Variants in NRCAM observed in about 807,000 individuals in gnomAD.
NRCAM encodes NgCAM-related cell adhesion molecule.
Under a neutral mutation model 156.5 loss-of-function variants are expected in NRCAM, and 83 were observed. The observed-to-expected ratio is 0.53, with a 90% CI of 0.44 to 0.64. NRCAM has a LOEUF of 0.64. Ranked by LOEUF, NRCAM falls within the 30% of genes least tolerant of loss-of-function variation. The pLI is 0.00. For missense variants in NRCAM, 1,417 were observed against 1,597.3 expected, an observed-to-expected ratio of 0.89 and a Z score of 1.92; for synonymous variants, 538 against 563.9, an observed-to-expected ratio of 0.95 and a Z score of 0.65.
intron 3 of NRCAM, among the ~76,000 whole-genome samples, chr7:108,312,220 A>G (rs2098812127): frequency 6.6e-6 from 1 of 152,180 alleles, no homozygotes; most frequent in African/African-American, 2.4e-5. Context: ...TTTGGACTCC[A>G]TTGTGAGACA....
At chr7:108,220,027 A>T (rs1249939089) in intron 11 of NRCAM, among the ~76,000 whole-genome samples, 1 of 152,122 alleles carries the variant, frequency 6.6e-6, no homozygotes, top group Non-Finnish European at 1.5e-5. Flanking sequence ...ATTAATGTAC[A>T]CAAATCAGTA....
chr7:108,175,197 A>T lies in NRCAM; in HGVS notation c.3187+125T>A, dbSNP rs759144456. Reference sequence around the variant, plus strand: ...AAATTAATTTTAAAGCCAAGATTGGATGAGATCTTCTCTTCTTTTGGTGGT... The same window carrying T: ...AAATTAATTTTAAAGCCAAGATTGGTTGAGATCTTCTCTTCTTTTGGTGGT... On this transcript the variant is annotated intron_variant, in intron 28 of 32. Coordinates refer to ENST00000379028, the MANE Select transcript of NRCAM (RefSeq NM_001037132.4). 8 of 664,488 alleles carry T rather than the reference A, an allele frequency of 1.2e-5. No individual in the cohort carries two copies. The South Asian group carries it at 2.1e-4, about 18-fold the overall frequency. The allele number at this position is 664,488 out of a possible 1,614,324, so 41.2% of individuals were successfully genotyped here.
At chr7:108,372,287 G>T (rs1416557308) in intron 2 of NRCAM, among the ~76,000 whole-genome samples, 1 of 152,016 alleles carries the variant, frequency 6.6e-6, no homozygotes. Context: ...AAAGCTGCAT[G>T]ACATTGATTT....
At chr7:108,311,556 G>A (rs1245691649) in intron 3 of NRCAM, among the ~76,000 whole-genome samples, 2 of 152,062 alleles carry the variant, frequency 1.3e-5, no homozygotes, top group Admixed American at 1.3e-4. Context: ...ACTTTTCAGG[G>A]ACTGTTCAAG....
chr7:108,392,671 T>C (rs1227337823), intron 2 of NRCAM, among the ~76,000 whole-genome samples: 1 of 152,222 alleles, frequency 6.6e-6, no homozygotes, highest in African/African-American at 2.4e-5. Context: ...TCAGCTTTTC[T>C]GCTCTGGTTT....
At chr7:108,245,350 C>G (rs11496133) in intron 3 of NRCAM, among the ~76,000 whole-genome samples, 1 of 152,100 alleles carries the variant, frequency 6.6e-6, no homozygotes, top group African/African-American at 2.4e-5. Flanking sequence ...AAACCTCTAA[C>G]GGTTTCTGAA....
At chr7:108,437,982 T>C (rs968974253) in intron 1 of NRCAM, among the ~76,000 whole-genome samples, 1 of 149,498 alleles carries the variant, frequency 6.7e-6, no homozygotes, top group Non-Finnish European at 1.5e-5. Flanking sequence ...AACAAATTAC[T>C]GAAACCAACT....
chr7:108,272,785 G>A (rs921220942), intron 3 of NRCAM, among the ~76,000 whole-genome samples: 1 of 151,496 alleles, frequency 6.6e-6, no homozygotes, highest in Non-Finnish European at 1.5e-5. Context: ...TAAGTTCTAG[G>A]GTACATGTGC....
At chr7:108,276,232 G>A (rs1211282038) in intron 3 of NRCAM, among the ~76,000 whole-genome samples, 1 of 152,236 alleles carries the variant, frequency 6.6e-6, no homozygotes, top group Non-Finnish European at 1.5e-5. Context: ...GGAGAGTTCT[G>A]TAGATGTCTA....
Position 108,226,534 on chromosome 7 carries a change from A to G in NRCAM, c.551-156T>C, listed in dbSNP as rs1268517651. Among the ~76,000 whole-genome samples the G allele has an allele frequency of 3.0e-3, 186 of 62,334 alleles. 1 individual carries two copies. Among genetic ancestry groups the G allele is most frequent in the Admixed American group, 9.1e-3 (72 of 7,894 alleles). The allele number at this position is 62,334 out of a possible 152,430, so 40.9% of individuals were successfully genotyped here. Reference sequence around the variant, plus strand: ...TTGGGTAAAAGCAAATAACTGTAAAAAAAAAAAAAAAAATACGTAACACAC... The same window carrying G: ...TTGGGTAAAAGCAAATAACTGTAAAGAAAAAAAAAAAAATACGTAACACAC... On this transcript the variant is annotated intron_variant, in intron 8 of 32. Transcript: ENST00000379028.
At chr7:108,156,315 G>C in intron 32 of NRCAM, 2 of 985,092 alleles carry the variant, frequency 2.0e-6, no homozygotes, top group Non-Finnish European at 2.4e-6. Context: ...AAGTAACATG[G>C]GCATATGGTT....
chr7:108,182,136 T>A (rs1308467729), intron 23 of NRCAM, among the ~76,000 whole-genome samples, 199 bp from the exon 24 acceptor site: 1 of 151,556 alleles, frequency 6.6e-6, no homozygotes, highest in Non-Finnish European at 1.5e-5. Flanking sequence ...CATCTTGCTA[T>A]GTTGCCCAGG....
At chr7:108,184,169 A>T in intron 22 of NRCAM, 72 bp downstream of exon 22, 1 of 1,089,582 alleles carries the variant, frequency 9.2e-7, no homozygotes, top group Non-Finnish European at 1.4e-6. Flanking sequence ...ATTCTAATGT[A>T]GATATTATTT....
rs575634530 is a variant in NRCAM at position 108,280,255 on chromosome 7, G to A, written c.-107+32410C>T. Reference sequence around the variant, plus strand: ...TGAACTTAGAAGCGCTAGCAATTCTGGCTCCTTTCACCAGAACAAGCTGCA... The same window carrying A: ...TGAACTTAGAAGCGCTAGCAATTCTAGCTCCTTTCACCAGAACAAGCTGCA... On this transcript the variant is annotated intron_variant, in intron 3 of 32. Transcript: ENST00000379028. Among the ~76,000 whole-genome samples the A allele has an allele frequency of 4.5e-4, 68 of 152,308 alleles. 1 individual carries two copies. Among genetic ancestry groups the A allele is most frequent in the Middle Eastern group, 3.4e-3 (1 of 294 alleles).
At chr7:108,346,545 T>A (rs2099355766) in intron 2 of NRCAM, among the ~76,000 whole-genome samples, 2 of 152,148 alleles carry the variant, frequency 1.3e-5, no homozygotes, top group Admixed American at 1.3e-4. Context: ...AATATACAGG[T>A]TTATTTTGAG....
At chr7:108,347,935 C>A (rs1351375616) in intron 2 of NRCAM, among the ~76,000 whole-genome samples, 1 of 152,178 alleles carries the variant, frequency 6.6e-6, no homozygotes, top group Non-Finnish European at 1.5e-5. Context: ...TCTCCACCCC[C>A]ATACTCTGTG....
chr7:108,158,943 G>T (rs2047140410), intron 32 of NRCAM, among the ~76,000 whole-genome samples: 1 of 152,108 alleles, frequency 6.6e-6, no homozygotes, highest in African/African-American at 2.4e-5. Context: ...ATTGCCTAGA[G>T]GGCTACGACA....
At chr7:108,277,533 T>C (rs185392463) in intron 3 of NRCAM, among the ~76,000 whole-genome samples, 9 of 152,186 alleles carry the variant, frequency 5.9e-5, no homozygotes, top group South Asian at 4.2e-4. Context: ...GAATAGGCTA[T>C]TGAAGCTTGT....
At chr7:108,418,620 C>T (rs1180264384) in intron 1 of NRCAM, among the ~76,000 whole-genome samples, 1 of 151,148 alleles carries the variant, frequency 6.6e-6, no homozygotes, top group East Asian at 2.0e-4. Flanking sequence ...GTTGCTATCA[C>T]TAAGTATATA....
Sources: allele counts gnomAD v4.1 joint callset (sites outside exome capture counted in the v4.1 genomes callset), GRCh38; gene constraint gnomAD v4.1.1; transcripts MANE v1.5; gene names NCBI Gene and HGNC (gene_info 2026-07-23, HGNC 2026-07-21).